Variants in MACF1 observed in about 807,000 individuals in gnomAD.
MACF1 encodes microtubule-actin cross-linking factor 1.
MACF1 carries 193 observed loss-of-function variants against 854.8 expected under a neutral mutation model. The ratio of observed to expected loss-of-function variants is 0.23; its 90% CI spans 0.20 to 0.25. MACF1 has a LOEUF of 0.25. MACF1 is among the 10% of genes least tolerant of loss of function. MACF1 has a pLI of 1.00. For missense variants in MACF1, 7,722 were observed against 8,929.1 expected, an observed-to-expected ratio of 0.86 and a Z score of 5.45; for synonymous variants, 3,185 against 3,226.7, an observed-to-expected ratio of 0.99 and a Z score of 0.44.
At chr1:39,373,473 GAA>G (rs57688838) in intron 52 of MACF1, 16 of 66,344 alleles carry the variant, frequency 2.4e-4, no homozygotes, top group African/African-American at 8.9e-4. Flanking sequence ...TCCATCTCAG[GAA>G]AAAAAAAAAA....
At chr1:39,442,628 G>A (rs1355886476) in intron 77 of MACF1, 61 bp downstream of exon 77, 2 of 1,609,204 alleles carry the variant, frequency 1.2e-6, no homozygotes, top group Non-Finnish European at 1.7e-6. Flanking sequence ...GCTGCCACCA[G>A]CAGCCTTTGA....
Position 39,332,615 on chromosome 1 carries a change from G to T in MACF1, c.6027G>T (p.Gly2009=). 1 of 1,614,164 alleles carries T rather than the reference G, an allele frequency of 6.2e-7. No individual in the cohort carries two copies. The highest frequency in any genetic ancestry group is 8.5e-7 in the Non-Finnish European group (1 of 1,180,010). ...QTSPPKVVEI[G]HQRQKTPEGL... ...GTCCTCCAAAAGTGGTTGAAATTGGGCATCAAAGGCAAAAAACTCCTGAGG... is the reference window on the plus strand; with the variant it reads ...GTCCTCCAAAAGTGGTTGAAATTGGTCATCAAAGGCAAAAAACTCCTGAGG... Residue 2009 remains glycine (G), a synonymous_variant, in exon 37 of 101, where the codon GGG becomes GGT. Transcript: ENST00000564288.
At chr1:39,269,287 G>C in intron 6 of MACF1, 1 of 1,289,814 alleles carries the variant, frequency 7.8e-7, no homozygotes, top group Non-Finnish European at 1.0e-6. Context: ...CGTGGGTTTC[G>C]GAGCTGTGCT....
At chr1:39,086,546 C>T (rs528680350) in intron 2 of MACF1, among the ~76,000 whole-genome samples, 1 of 152,362 alleles carries the variant, frequency 6.6e-6, no homozygotes, top group Admixed American at 6.5e-5. Context: ...TCATAAACCT[C>T]TTTCTCCTGA....
At position 39,351,036 on chromosome 1, in the gene MACF1, C is replaced by T. The variant is rs759256187; in HGVS notation, c.11199+18C>T. On this transcript the variant is annotated intron_variant, in intron 43 of 100. Coordinates refer to ENST00000564288, the MANE Select transcript of MACF1 (RefSeq NM_001394062.1). ...CTGAAAAGGTAATAGACTGCTATGACGCTTGATATTTTTCAAAAAAGAAAA... is the reference window on the plus strand; with the variant it reads ...CTGAAAAGGTAATAGACTGCTATGATGCTTGATATTTTTCAAAAAAGAAAA... 20 of 1,566,994 alleles carry T rather than the reference C, an allele frequency of 1.3e-5. No homozygotes were observed. The highest frequency in any genetic ancestry group is 7.5e-5 in the Admixed American group (4 of 53,180).
At chr1:39,262,757 T>C (rs1645179099) in intron 6 of MACF1, among the ~76,000 whole-genome samples, 1 of 152,228 alleles carries the variant, frequency 6.6e-6, no homozygotes, top group Admixed American at 6.5e-5. Context: ...CTTTTCTCTG[T>C]TATTTCAGCA....
intron 95 of MACF1, among the ~76,000 whole-genome samples, chr1:39,467,364 C>CA (rs1239284083): frequency 3.3e-5 from 5 of 151,458 alleles, no homozygotes; most frequent in East Asian, 3.9e-4. Flanking sequence ...GACTCCATCT[C>CA]AAAAAAAAGA....
chr1:39,206,665 A>G (rs1644454039), intron 1 of MACF1: 1 of 152,160 alleles, frequency 6.6e-6, no homozygotes, highest in Non-Finnish European at 1.5e-5. Flanking sequence ...CTAATACCAA[A>G]TAGTTATATC....
intron 2 of MACF1, among the ~76,000 whole-genome samples, chr1:39,132,740 T>A (rs1643034824): frequency 6.6e-6 from 1 of 152,158 alleles, no homozygotes; most frequent in Non-Finnish European, 1.5e-5. Flanking sequence ...ACTTGATGAC[T>A]ATAAAACATT....
At chr1:39,468,170 C>T (rs1644707610) in intron 95 of MACF1, 1 of 155,454 alleles carries the variant, frequency 6.4e-6, no homozygotes, top group Admixed American at 6.3e-5. Context: ...ACTGGCGGAT[C>T]ACGAGGTCAG....
intron 51 of MACF1, among the ~76,000 whole-genome samples, chr1:39,371,921 C>A (rs958049750): frequency 6.6e-6 from 1 of 151,898 alleles, no homozygotes; most frequent in South Asian, 2.1e-4. Flanking sequence ...TCAAGCAACT[C>A]TCCCGTCTCA....
In MACF1 at chr1:39,454,984, C is replaced by T. The variant is rs772147547; in HGVS notation, c.20962C>T (p.Leu6988=). ...LSELVANAEL[L]EELLAWIQWA... ...AGAACTGGTGGCTAATGCTGAGCTC[C>T]TGGAAGAACTTCTGGCATGGATCCA... The change falls in exon 89 of 101, where the codon CTG becomes TTG. Residue 6988 remains leucine, a synonymous_variant. Coordinates refer to ENST00000564288, the MANE Select transcript of MACF1 (RefSeq NM_001394062.1). The T allele has an allele frequency of 1.9e-6, 3 of 1,614,142 alleles. No homozygotes were observed. The highest frequency in any genetic ancestry group is 2.2e-5 in the South Asian group (2 of 91,076).
intron 2 of MACF1, among the ~76,000 whole-genome samples, chr1:39,159,528 C>A (rs889628573): frequency 6.6e-6 from 1 of 151,918 alleles, no homozygotes; most frequent in African/African-American, 2.4e-5. Context: ...GTAAAGTAAG[C>A]CTTTGTAAAG....
At chr1:39,151,560 A>C (rs551751445) in intron 2 of MACF1, among the ~76,000 whole-genome samples, 1 of 152,246 alleles carries the variant, frequency 6.6e-6, no homozygotes, top group African/African-American at 2.4e-5. Flanking sequence ...GAGTTGCTTA[A>C]ATGCTTCATG....
chr1:39,096,995 G>A (rs1037567029), intron 2 of MACF1, among the ~76,000 whole-genome samples: 1 of 151,208 alleles, frequency 6.6e-6, no homozygotes, highest in Non-Finnish European at 1.5e-5. Flanking sequence ...TCCTGCCTTG[G>A]CCTCCTGAGT....
chr1:39,407,258 C>G (rs1390497410), intron 58 of MACF1, among the ~76,000 whole-genome samples: 2 of 152,130 alleles, frequency 1.3e-5, no homozygotes, highest in South Asian at 4.1e-4. Flanking sequence ...AGGAGATACC[C>G]AGAACAAGTT....
chr1:39,452,090 T>A (rs1176259786), intron 85 of MACF1, 66 bp from the exon 86 acceptor site: 10 of 1,313,146 alleles, frequency 7.6e-6, no homozygotes, highest in Non-Finnish European at 1.1e-5. Flanking sequence ...AAATTATTAT[T>A]TCCCAGTGGT....
chr1:39,292,676 C>A, intron 16 of MACF1, 90 bp from the exon 17 acceptor site: 1 of 889,704 alleles, frequency 1.1e-6, no homozygotes, highest in Non-Finnish European at 1.7e-6. Context: ...ATATCTCTAT[C>A]TAGACATAAT....
chr1:39,340,055 TGACCCTGGAATTTA>T (rs1202448219), intron 38 of MACF1, among the ~76,000 whole-genome samples: 2 of 152,198 alleles, frequency 1.3e-5, no homozygotes, highest in African/African-American at 4.8e-5. Flanking sequence ...TTTGGTTCCA[TGACCCTGGAATTTA>T]GAGTGGAAGA....
Sources: allele counts gnomAD v4.1 joint callset (sites outside exome capture counted in the v4.1 genomes callset), GRCh38; gene constraint gnomAD v4.1.1; transcripts MANE v1.5; gene names NCBI Gene and HGNC (gene_info 2026-07-23, HGNC 2026-07-21).